CTNNA2: variants seen among roughly 807,000 people sequenced by gnomAD.
The protein encoded by CTNNA2 is catenin alpha 2.
Under a neutral mutation model 101.0 loss-of-function variants are expected in CTNNA2, and 42 were observed. That is an observed-to-expected ratio of 0.42 (90% CI 0.32 to 0.54). The LOEUF (loss-of-function observed/expected upper bound fraction) is 0.54. Ranked by LOEUF, CTNNA2 falls within the 20% of genes least tolerant of loss-of-function variation. The probability of loss-of-function intolerance (pLI) is 0.14; values close to 1 mark genes in which losing one functional copy is unlikely to be tolerated. For synonymous variants in CTNNA2, 450 were observed against 456.4 expected (o/e 0.99, Z 0.18); for missense variants, 871 against 1,223.1 (o/e 0.71, Z 4.29).
chr2:79,540,711 A>C (rs1558712556), intron 1 of CTNNA2, among the ~76,000 whole-genome samples: 1 of 152,224 alleles, frequency 6.6e-6, no homozygotes, highest in East Asian at 1.9e-4. Context: ...ATGTGATTCA[A>C]TTTTGTTAAA....
chr2:80,619,180 C>A lies in CTNNA2; in HGVS notation c.2526C>A (p.Thr842=). The A allele has an allele frequency of 6.3e-7, 1 of 1,587,070 alleles. No homozygotes were observed. The highest frequency in any genetic ancestry group is 1.2e-5 in the South Asian group (1 of 86,608). ...GTCAACTTTCTACCCACCTCCCAAC[C>A]TGTGCTGAGGGAGCTCCGATCGGGA... ...RASQLSTHLP[T]CAEGAPIGSG... Residue 842 remains threonine, a synonymous_variant, in exon 18 of 19, where the codon ACC becomes ACA. Coordinates refer to ENST00000402739, the MANE Select transcript of CTNNA2 (RefSeq NM_001282597.3).
At chr2:79,986,545 G>A (rs1371521007) in intron 7 of CTNNA2, among the ~76,000 whole-genome samples, 3 of 152,036 alleles carry the variant, frequency 2.0e-5, no homozygotes, top group South Asian at 4.2e-4. Flanking sequence ...TTCTGCTCTC[G>A]TGTGACCCTA....
chr2:79,497,398 A>G (rs973622407), intron 4 of CTNNA2, among the ~76,000 whole-genome samples: 3 of 152,196 alleles, frequency 2.0e-5, no homozygotes, highest in Non-Finnish European at 4.4e-5. Flanking sequence ...TGTCAATGAC[A>G]TTGACCCATC....
intron 7 of CTNNA2, among the ~76,000 whole-genome samples, chr2:80,234,957 C>G (rs1709466084): frequency 6.6e-6 from 1 of 151,826 alleles, no homozygotes; most frequent in Non-Finnish European, 1.5e-5. Context: ...TATTTACTTA[C>G]CAAAGAAAGG....
chr2:79,252,535 T>C (rs1481080222), intron 2 of CTNNA2, among the ~76,000 whole-genome samples: 4 of 152,158 alleles, frequency 2.6e-5, no homozygotes, highest in Non-Finnish European at 5.9e-5. Flanking sequence ...TAACTTGATT[T>C]TTCCCTTCAC....
rs571136179 is a variant in CTNNA2 at position 79,956,303 on chromosome 2, T to C, written c.1056+46506T>C. ...TTTTATGATTTGCATTTTAGTCTTA[T>C]ACAAAATACTTTCCTTTTAACAGAA... On this transcript the variant is annotated intron_variant, in intron 7 of 18. Coordinates refer to ENST00000402739, the MANE Select transcript of CTNNA2 (RefSeq NM_001282597.3). 3.3e-5 allele frequency among the ~76,000 whole-genome samples: 5 copies of C among 152,258 alleles called. No individual in the cohort carries two copies. In the East Asian group the frequency reaches 9.7e-4, roughly 29 times the overall value.
chr2:80,137,014 A>G (rs981795760), intron 7 of CTNNA2, among the ~76,000 whole-genome samples: 1 of 152,184 alleles, frequency 6.6e-6, no homozygotes, highest in South Asian at 2.1e-4. Context: ...CTGATCAGCC[A>G]TCAGTGATGT....
intron 5 of CTNNA2, among the ~76,000 whole-genome samples, chr2:79,507,843 A>G (rs945300800): frequency 1.3e-5 from 2 of 152,188 alleles, no homozygotes; most frequent in Admixed American, 6.5e-5. Flanking sequence ...TTTCTCTTAA[A>G]TGAACTTCAT....
chr2:80,134,805 G>A (rs1360624544), intron 7 of CTNNA2, among the ~76,000 whole-genome samples: 1 of 152,116 alleles, frequency 6.6e-6, no homozygotes, highest in African/African-American at 2.4e-5. Flanking sequence ...ATTGTACAAA[G>A]AAATTAATTA....
intron 7 of CTNNA2, among the ~76,000 whole-genome samples, chr2:80,182,982 G>A (rs1705876906): frequency 6.6e-6 from 1 of 152,206 alleles, no homozygotes; most frequent in Non-Finnish European, 1.5e-5. Flanking sequence ...GGGAGAAGGA[G>A]CATGATCACT....
In CTNNA2 at chr2:79,715,385, G is replaced by A. The variant is rs751744180; in HGVS notation, c.103-29002G>A. Among the ~76,000 whole-genome samples the A allele has an allele frequency of 6.1e-4, 92 of 152,006 alleles. 2 individuals are homozygous for A. Among genetic ancestry groups the A allele is most frequent in the Non-Finnish European group, 1.9e-4 (13 of 68,008 alleles). ...TTTATATGGTAGATCTAGGACCAAC[G>A]AACAGAAATACAGACAGGTAGATTT... is the stretch of plus-strand genomic sequence containing the variant. On this transcript the variant is annotated intron_variant, in intron 2 of 18. Transcript: ENST00000402739.
intron 7 of CTNNA2, among the ~76,000 whole-genome samples, chr2:80,332,236 AG>A: frequency 6.6e-6 from 1 of 152,300 alleles, no homozygotes; most frequent in South Asian, 2.1e-4. Context: ...GTAGAGTTCC[AG>A]ATACTGTTGA....
intron 6 of CTNNA2, among the ~76,000 whole-genome samples, 176 bp downstream of exon 6, chr2:79,874,518 C>CACTTGTCTT (rs1161533086): frequency 6.6e-6 from 1 of 152,168 alleles, no homozygotes; most frequent in Non-Finnish European, 1.5e-5. Flanking sequence ...AAGCCATTAT[C>CACTTGTCTT]ACTTGTCTTT....
In CTNNA2 at chr2:80,589,324, G is replaced by T. The variant is rs199921745; in HGVS notation, c.2028G>T (p.Pro676=). 1.2e-6 allele frequency: 2 copies of T among 1,613,874 alleles called. No individual in the cohort carries two copies. The highest frequency in any genetic ancestry group is 1.1e-5 in the South Asian group (1 of 91,072). Residue 676 remains proline (P), a synonymous_variant, in exon 15 of 19, where the codon CCG becomes CCT. Coordinates refer to ENST00000402739, the MANE Select transcript of CTNNA2 (RefSeq NM_001282597.3). ...CGCAGGCCATCATGGCGCAACTACCGCAGGAGGAGAAGGCAAAAATAGCTG... is the reference window on the plus strand; with the variant it reads ...CGCAGGCCATCATGGCGCAACTACCTCAGGAGGAGAAGGCAAAAATAGCTG... The part of the protein sequence containing the change: ...QSARAIMAQL[P]QEEKAKIAEQ...
At chr2:79,225,063 A>G (rs1199079420) in intron 2 of CTNNA2, among the ~76,000 whole-genome samples, 1 of 152,044 alleles carries the variant, frequency 6.6e-6, no homozygotes. Context: ...TTTGACTACT[A>G]TGAGTAAAAC....
At chr2:80,290,712 A>G (rs917904376) in intron 7 of CTNNA2, among the ~76,000 whole-genome samples, 2 of 152,106 alleles carry the variant, frequency 1.3e-5, no homozygotes, top group Admixed American at 1.3e-4. Flanking sequence ...AGTACAATTT[A>G]TTTCACCCAC....
intron 5 of CTNNA2, among the ~76,000 whole-genome samples, chr2:79,506,317 T>TAA (rs113081681): frequency 2.1e-5 from 3 of 141,612 alleles, no homozygotes; most frequent in East Asian, 2.0e-4. Flanking sequence ...TGTTACAAGT[T>TAA]AAAAAAAAAA....
chr2:80,137,170 A>G (rs905853032), intron 7 of CTNNA2, among the ~76,000 whole-genome samples: 2 of 152,112 alleles, frequency 1.3e-5, no homozygotes, highest in African/African-American at 4.8e-5. Flanking sequence ...CTGGGCTGTT[A>G]TCTTATAAGG....
At chr2:80,453,554 C>T (rs532456606) in intron 9 of CTNNA2, among the ~76,000 whole-genome samples, 4 of 151,942 alleles carry the variant, frequency 2.6e-5, no homozygotes, top group African/African-American at 7.2e-5. Flanking sequence ...TTTAGCTCCA[C>T]GAAAGCTGTT....
Sources: gnomAD v4.1 joint callset for allele counts (sites outside exome capture counted in the v4.1 genomes callset) on GRCh38, gnomAD v4.1.1 for gene constraint, MANE v1.5 for transcripts, NCBI Gene and HGNC (gene_info 2026-07-23, HGNC 2026-07-21) for gene names.